The following EXOSC10 variants were observed in gnomAD, a reference collection of about 807,000 sequenced individuals.
EXOSC10 encodes the protein exosome component 10.
Under a neutral mutation model 126.6 loss-of-function variants are expected in EXOSC10, and 94 were observed. That is an observed-to-expected ratio of 0.74 (90% confidence interval 0.63 to 0.88). The LOEUF is 0.88. EXOSC10 is among the 40% of genes least tolerant of loss of function. The pLI is 0.00. For missense variants in EXOSC10, 1,041 were observed against 1,100.5 expected (o/e 0.95, Z 0.77); for synonymous variants, 395 against 400.8 (o/e 0.99, Z 0.17).
chr1:11,087,345 T>G, intron 9 of EXOSC10, 103 bp downstream of exon 9: 10 of 1,381,802 alleles, frequency 7.2e-6, no homozygotes, highest in Non-Finnish European at 1.0e-5. Context: ...ACATGATTCC[T>G]CCCAACTTGA....
In EXOSC10 at chr1:11,088,191, G is replaced by A; in HGVS notation, c.766C>T (p.His256Tyr). 1 of 1,606,362 alleles carries A rather than the reference G, an allele frequency of 6.2e-7. No individual in the cohort carries two copies. Among genetic ancestry groups the A allele is most frequent in the Non-Finnish European group, 8.5e-7 (1 of 1,177,356 alleles). Residue 256 changes from histidine (H) to tyrosine (Y), a missense_variant, in exon 7 of 25, where the codon CAT becomes TAT. His to Tyr is a moderately conservative substitution (Grantham distance 83, BLOSUM62 2). Transcript: ENST00000376936. ...TQQVEQDMFAHPYQYELNHFT... is the reference protein window; with the variant it reads ...TQQVEQDMFAYPYQYELNHFT... ...TGATTTAGTTCATATTGATAAGGAT[G>A]TGCAAACCTGAGTAAATAAAACAAA...
intron 9 of EXOSC10, among the ~76,000 whole-genome samples, chr1:11,085,130 T>C (rs1412505602): frequency 6.6e-6 from 1 of 152,224 alleles, no homozygotes; most frequent in African/African-American, 2.4e-5. Flanking sequence ...TGGTTCCATA[T>C]GAACTTTAAA....
In EXOSC10 at chr1:11,098,033, T is replaced by A. The variant is rs1480463170; in HGVS notation, c.235A>T (p.Arg79Trp). 6.2e-7 allele frequency: 1 copy of A among 1,609,444 alleles called. No individual in the cohort carries two copies. The highest frequency in any genetic ancestry group is 8.5e-7 in the Non-Finnish European group (1 of 1,178,606). ...FQAFCETQGD[R>W]LLQCMSRVMQ... Reference sequence around the variant, plus strand: ...TACAGTACTTACCACTGAAGCAACCTGTCTCCCTGTGTTTCGCAAAATGCT... The same window carrying A: ...TACAGTACTTACCACTGAAGCAACCAGTCTCCCTGTGTTTCGCAAAATGCT... Residue 79 changes from arginine to tryptophan, a missense_variant, in exon 2 of 25, where the codon AGG (arginine) becomes TGG (tryptophan). By Grantham distance (101) the Arg-to-Trp change is moderately radical. This residue lies in a region of EXOSC10 where 645 missense variants were observed against 656.3 expected (regional missense o/e 0.98). Coordinates refer to ENST00000376936, the MANE Select transcript of EXOSC10 (RefSeq NM_001001998.3).
At chr1:11,080,196 A>T (rs573221181) in intron 13 of EXOSC10, among the ~76,000 whole-genome samples, 1 of 152,338 alleles carries the variant, frequency 6.6e-6, no homozygotes, top group East Asian at 1.9e-4. Context: ...TTTGGAAGAA[A>T]GTACAGATGA....
rs764718931 is a variant in EXOSC10 at position 11,080,840 on chromosome 1, T to C, written c.1510A>G (p.Thr504Ala). The C allele has an allele frequency of 1.1e-5, 18 of 1,614,028 alleles. No homozygotes were observed. Among genetic ancestry groups the C allele is most frequent in the Non-Finnish European group, 1.5e-5 (18 of 1,180,028 alleles). Residue 504 changes from threonine to alanine, a missense_variant, in exon 12 of 25, where the codon ACA becomes GCA. This residue lies in a region of EXOSC10 where 645 missense variants were observed against 656.3 expected (regional missense o/e 0.98). Transcript: ENST00000376936. ...AGCTGAAAGGCTGTCAACTGCTGTGTGTTAAGGTGCTTCTTCTGCTTCCTA... is the reference window on the plus strand; with the variant it reads ...AGCTGAAAGGCTGTCAACTGCTGTGCGTTAAGGTGCTTCTTCTGCTTCCTA... ...LYRKQKKHLN[T>A]QQLTAFQLLF...
At chr1:11,069,769 G>A (rs1414113726) in intron 21 of EXOSC10, 39 bp from the exon 22 acceptor site, 3 of 1,606,826 alleles carry the variant, frequency 1.9e-6, no homozygotes, top group Non-Finnish European at 2.5e-6. Context: ...GAACAGGGAG[G>A]CACATGGGAA....
At chr1:11,078,260 G>GTTTTTTTTTTTTTTTTTT (rs1639934471) in intron 14 of EXOSC10, among the ~76,000 whole-genome samples, 3 of 148,244 alleles carry the variant, frequency 2.0e-5, no homozygotes, top group African/African-American at 5.1e-5. Flanking sequence ...GCAAGACCCT[G>GTTTTTTTTTTTTTTTTTT]TTTCTTTTTT....
intron 3 of EXOSC10, among the ~76,000 whole-genome samples, chr1:11,091,970 G>T (rs144010313): frequency 6.6e-6 from 1 of 152,138 alleles, no homozygotes; most frequent in African/African-American, 2.4e-5. Context: ...GATTATAGGC[G>T]TGAGCCACCG....
At chr1:11,070,542 A>G (rs1250439200) in intron 21 of EXOSC10, 2 of 142,664 alleles carry the variant, frequency 1.4e-5, no homozygotes, top group Non-Finnish European at 3.0e-5. Flanking sequence ...AAAAAAAAAA[A>G]AGAGTTCCAG....
chr1:11,092,492 C>T lies in EXOSC10; in HGVS notation c.373-895G>A, dbSNP rs139190140. Among the ~76,000 whole-genome samples the T allele has an allele frequency of 3.7e-3, 562 of 151,168 alleles. 9 individuals carry two copies. The highest frequency in any genetic ancestry group is 0.013 in the African/African-American group (532 of 41,208). On this transcript the variant is annotated intron_variant, in intron 3 of 24. Transcript: ENST00000376936. ...CCTCCCAAAGTGCTAGGATTACAGG[C>T]GTAAGCCACTGTGCCTGGCCCTGTT...
chr1:11,076,766 G>T, intron 17 of EXOSC10, 76 bp downstream of exon 17: 2 of 1,139,886 alleles, frequency 1.8e-6, no homozygotes, highest in Non-Finnish European at 2.6e-6. Context: ...AATGCTCCAG[G>T]CAGACAGCCT....
Position 11,080,563 on chromosome 1 carries a change from A to AC in EXOSC10, c.1587-15_1587-14insG, listed in dbSNP as rs1553166014. ...GGCAGTACATATCTGGAAAAAAAAA[A>AC]ACACACACACACACACACACACACA... On this transcript the variant is annotated splice_polypyrimidine_tract_variant and intron_variant, in intron 12 of 24. Transcript: ENST00000376936. 9.6e-4 allele frequency: 1,372 copies of AC among 1,422,168 alleles called. No homozygotes were observed. The highest frequency in any genetic ancestry group is 4.7e-3 in the African/African-American group (283 of 60,060). 88.1% of individuals were successfully genotyped at this position (1,422,168 alleles called of 1,614,324 possible).
Position 11,090,669 on chromosome 1 carries a change from C to T in EXOSC10, c.644-1G>A. ...CGTTCCCGCCTTTCCTTAGAGAGAG[C>T]TGGGGATCCCAGCAGTGACAAAAAC... On this transcript the variant is annotated splice_acceptor_variant, in intron 5 of 24. Coordinates refer to ENST00000376936, the MANE Select transcript of EXOSC10 (RefSeq NM_001001998.3). LOFTEE classifies it high-confidence loss of function. 6.2e-7 allele frequency: 1 copy of T among 1,600,676 alleles called. No individual in the cohort carries two copies. The highest frequency in any genetic ancestry group is 8.5e-7 in the Non-Finnish European group (1 of 1,171,846).
At chr1:11,075,853 CAAAAAAAAAAAAAAA>C (rs58667041) in intron 17 of EXOSC10, among the ~76,000 whole-genome samples, 5 of 35,140 alleles carry the variant, frequency 1.4e-4, no homozygotes, top group African/African-American at 2.6e-4. Flanking sequence ...GATCCTGTCA[CAAAAAAAAAAAAAAA>C]AAAAAAAAAA....
chr1:11,091,693 C>CT, intron 3 of EXOSC10, 96 bp from the exon 4 acceptor site: 1 of 921,314 alleles, frequency 1.1e-6, no homozygotes. Flanking sequence ...GAGTATCACT[C>CT]TGTCACCCAG....
rs1433354554 is a variant in EXOSC10, at chr1:11,074,338, G to A, written c.1987-12C>T. 5.7e-6 allele frequency: 9 copies of A among 1,575,136 alleles called. No homozygotes were observed. Among genetic ancestry groups the A allele is most frequent in the Non-Finnish European group, 1.7e-6 (2 of 1,146,896 alleles). ...TCAGCACTAGGTTCCTGCAGGGACA[G>A]ACAAAAAACGATCACTAATGACCAT... is the stretch of plus-strand genomic sequence containing the variant. On this transcript the variant is annotated splice_polypyrimidine_tract_variant and intron_variant, in intron 17 of 24. Transcript: ENST00000376936.
chr1:11,068,180 A>C (rs780343054), intron 23 of EXOSC10, 96 bp from the exon 24 acceptor site: 1 of 934,844 alleles, frequency 1.1e-6, no homozygotes, highest in Non-Finnish European at 1.7e-6. Context: ...AGATTCTAGC[A>C]GCACAGGAGT....
intron 2 of EXOSC10, among the ~76,000 whole-genome samples, chr1:11,097,265 C>A (rs1032345467): frequency 1.3e-5 from 2 of 151,740 alleles, no homozygotes; most frequent in South Asian, 4.2e-4. Context: ...ATAATCCCAG[C>A]TACTCGGGAG....
At position 11,090,751 on chromosome 1, in the gene EXOSC10, T is replaced by C. The variant is rs552190540; in HGVS notation, c.644-83A>G. On this transcript the variant is annotated intron_variant, in intron 5 of 24. Transcript: ENST00000376936. ...CACAGGGGTAAACTGGTTCCCTTTG[T>C]TTTTTGGCTTTTTTTTTTGAGACAG... 4.4e-5 allele frequency: 48 copies of C among 1,092,914 alleles called. No individual in the cohort carries two copies. The African/African-American group carries it at 6.4e-4, about 15-fold the overall frequency. 67.7% of individuals were successfully genotyped at this position (1,092,914 alleles called of 1,614,324 possible). A position where few individuals can be genotyped will look rare whatever the true frequency, so the allele number is the denominator to read the frequency against.
Sources: allele counts gnomAD v4.1 joint callset (sites outside exome capture counted in the v4.1 genomes callset), GRCh38; gene constraint gnomAD v4.1.1; regional missense constraint gnomAD v4.1.1; transcripts MANE v1.5; gene names NCBI Gene and HGNC (gene_info 2026-07-23, HGNC 2026-07-21).